Variants in MAML2 observed in about 807,000 individuals in gnomAD.
MAML2 encodes mastermind like transcriptional coactivator 2.
MAML2 carries 22 observed loss-of-function variants against 96.1 expected under a neutral mutation model. That is an observed-to-expected ratio of 0.23 (90% CI 0.16 to 0.33). MAML2 has a LOEUF of 0.33. MAML2 is among the 10% of genes least tolerant of loss of function. The pLI, the probability that MAML2 is intolerant of heterozygous loss-of-function variation, is 1.00. For missense variants in MAML2, 1,367 were observed against 1,392.4 expected, an observed-to-expected ratio of 0.98 and a Z score of 0.29; for synonymous variants, 561 against 521.3, an observed-to-expected ratio of 1.08 and a Z score of -1.04.
At chr11:96,123,178 C>T (rs1046105958) in intron 1 of MAML2, among the ~76,000 whole-genome samples, 2 of 152,206 alleles carry the variant, frequency 1.3e-5, no homozygotes, top group African/African-American at 2.4e-5. Context: ...CCCCATCCTT[C>T]CACACCATTG....
chr11:96,019,388 G>T (rs562406699), intron 2 of MAML2, among the ~76,000 whole-genome samples: 13 of 152,152 alleles, frequency 8.5e-5, no homozygotes, highest in Admixed American at 6.5e-4. Context: ...TCTCTGTAGG[G>T]TTTGGTCTTT....
At chr11:96,208,375 C>T (rs1017410659) in intron 1 of MAML2, among the ~76,000 whole-genome samples, 7 of 152,140 alleles carry the variant, frequency 4.6e-5, no homozygotes, top group Non-Finnish European at 7.3e-5. Context: ...AATTCAAGAA[C>T]GTTTTGTACA....
chr11:96,189,778 T>A (rs1260161362), intron 1 of MAML2, among the ~76,000 whole-genome samples: 1 of 152,224 alleles, frequency 6.6e-6, no homozygotes, highest in Non-Finnish European at 1.5e-5. Context: ...AGCTAATTCT[T>A]CATTCAGAAA....
At chr11:96,290,052 T>A (rs1489009836) in intron 1 of MAML2, among the ~76,000 whole-genome samples, 1 of 152,198 alleles carries the variant, frequency 6.6e-6, no homozygotes, top group Non-Finnish European at 1.5e-5. Flanking sequence ...TTGTTAGCCG[T>A]TGGCAGAGAA....
intron 1 of MAML2, among the ~76,000 whole-genome samples, chr11:96,329,788 T>C (rs374833185): frequency 6.6e-6 from 1 of 152,180 alleles, no homozygotes; most frequent in Non-Finnish European, 1.5e-5. Flanking sequence ...TTATTTGTTG[T>C]GAAGGCTAAG....
intron 1 of MAML2, among the ~76,000 whole-genome samples, chr11:96,252,714 G>A (rs573660889): frequency 6.6e-6 from 1 of 152,280 alleles, no homozygotes; most frequent in South Asian, 2.1e-4. Context: ...AGGCACCTGA[G>A]GCAAGAGAAG....
intron 1 of MAML2, among the ~76,000 whole-genome samples, chr11:96,163,001 T>C (rs1357925899): frequency 6.6e-6 from 1 of 152,208 alleles, no homozygotes. Flanking sequence ...CTCTGGGGAT[T>C]TGCAACTTTT....
intron 1 of MAML2, among the ~76,000 whole-genome samples, chr11:96,298,886 C>CA (rs577581503): frequency 0.018 from 2,645 of 144,156 alleles, 42 homozygotes; most frequent in Middle Eastern, 0.058. Context: ...ACTAAAAATA[C>CA]AAAAAAAAAT....
At chr11:96,164,873 C>T (rs1025201869) in intron 1 of MAML2, among the ~76,000 whole-genome samples, 1 of 152,176 alleles carries the variant, frequency 6.6e-6, no homozygotes, top group African/African-American at 2.4e-5. Context: ...GAGAAACCCA[C>T]CCATCCTTTC....
intron 2 of MAML2, among the ~76,000 whole-genome samples, chr11:96,055,340 T>C (rs1859047127): frequency 6.6e-6 from 1 of 152,172 alleles, no homozygotes; most frequent in African/African-American, 2.4e-5. Context: ...TTAATTGCTT[T>C]CAGCACTACA....
chr11:96,244,933 T>C (rs1862490244), intron 1 of MAML2, among the ~76,000 whole-genome samples: 1 of 152,214 alleles, frequency 6.6e-6, no homozygotes, highest in Non-Finnish European at 1.5e-5. Flanking sequence ...AAGGATCTAT[T>C]TTGTCCACCT....
At chr11:96,050,835 C>T (rs1367702455) in intron 2 of MAML2, among the ~76,000 whole-genome samples, 1 of 152,204 alleles carries the variant, frequency 6.6e-6, no homozygotes, top group Non-Finnish European at 1.5e-5. Flanking sequence ...AAGGCAATTC[C>T]TTCACCTGCC....
intron 1 of MAML2, among the ~76,000 whole-genome samples, chr11:96,330,091 T>C (rs1033036409): frequency 6.6e-6 from 1 of 152,194 alleles, no homozygotes; most frequent in Non-Finnish European, 1.5e-5. Context: ...CCATGGAGTA[T>C]AGCAAGAATG....
intron 1 of MAML2, among the ~76,000 whole-genome samples, chr11:96,096,547 C>A (rs1417476086): frequency 6.6e-6 from 1 of 152,200 alleles, no homozygotes; most frequent in African/African-American, 2.4e-5. Context: ...AATCAAACCA[C>A]ACATTCCCAC....
At position 95,991,703 on chromosome 11, in the gene MAML2, G is replaced by A. The variant is rs367763533; in HGVS notation, c.2160C>T (p.Gly720=). ...QQRQDQHSVV[G]QNTGPSPSPN... is the part of the protein sequence containing the mutation. Reference sequence around the variant, plus strand: ...GACTTGGACTGGGGCCTGTGTTCTGGCCTACCACAGAGTGTTGATCCTAAA... The same window carrying A: ...GACTTGGACTGGGGCCTGTGTTCTGACCTACCACAGAGTGTTGATCCTAAA... The change falls in exon 3 of 5, where the codon GGC becomes GGT. Residue 720 remains glycine (G), a synonymous_variant. Coordinates refer to ENST00000524717, the MANE Select transcript of MAML2 (RefSeq NM_032427.4). 44 of 1,613,450 alleles carry A rather than the reference G, an allele frequency of 2.7e-5. No individual in the cohort carries two copies. In the Middle Eastern group the frequency reaches 4.9e-4, roughly 18 times the overall value.
chr11:95,987,910 C>T (rs1312949079), intron 3 of MAML2, among the ~76,000 whole-genome samples: 1 of 152,114 alleles, frequency 6.6e-6, no homozygotes, highest in Non-Finnish European at 1.5e-5. Context: ...TTTGCCCAAA[C>T]CCTAAATGTT....
chr11:96,104,383 C>G (rs1233905426), intron 1 of MAML2, among the ~76,000 whole-genome samples: 1 of 152,208 alleles, frequency 6.6e-6, no homozygotes, highest in Non-Finnish European at 1.5e-5. Context: ...TTCTACTTTG[C>G]TCATATGTCT....
At chr11:95,999,574 T>TAA (rs5793766) in intron 2 of MAML2, among the ~76,000 whole-genome samples, 14 of 138,544 alleles carry the variant, frequency 1.0e-4, no homozygotes, top group African/African-American at 3.2e-4. Context: ...TTCTCTTAAT[T>TAA]AAAAAAAAAA....
chr11:96,305,377 G>A (rs1177392847), intron 1 of MAML2, among the ~76,000 whole-genome samples: 3 of 152,120 alleles, frequency 2.0e-5, no homozygotes, highest in African/African-American at 7.2e-5. Context: ...TGTCAATGTA[G>A]GTCCACTAAT....
Sources: gnomAD v4.1 joint callset for allele counts (sites outside exome capture counted in the v4.1 genomes callset) on GRCh38, gnomAD v4.1.1 for gene constraint, MANE v1.5 for transcripts, NCBI Gene and HGNC (gene_info 2026-07-23, HGNC 2026-07-21) for gene names.